Variants in TBC1D4 observed in about 807,000 individuals in gnomAD.
TBC1D4 encodes TBC1 domain family member 4.
A neutral mutation model predicts 142.5 loss-of-function variants in TBC1D4; 121 were observed. The observed-to-expected ratio is 0.85, with a 90% confidence interval of 0.73 to 0.99. The LOEUF (loss-of-function observed/expected upper bound fraction) is 0.99. Ranked by LOEUF, TBC1D4 falls within the 50% of genes least tolerant of loss-of-function variation. The pLI, the probability that TBC1D4 is intolerant of heterozygous loss-of-function variation, is 0.00. For synonymous variants in TBC1D4, 630 were observed against 628.2 expected, an observed-to-expected ratio of 1.00 and a Z score of -0.04; for missense variants, 1,475 against 1,606.6, an observed-to-expected ratio of 0.92 and a Z score of 1.40.
intron 1 of TBC1D4, among the ~76,000 whole-genome samples, chr13:75,410,089 T>A (rs151112762): frequency 1.3e-5 from 2 of 152,338 alleles, no homozygotes; most frequent in East Asian, 3.9e-4. Flanking sequence ...TCTCAGAGTA[T>A]TGTTGTGAGG....
intron 1 of TBC1D4, among the ~76,000 whole-genome samples, chr13:75,422,839 G>T (rs958242499): frequency 7.9e-5 from 12 of 152,126 alleles, no homozygotes; most frequent in African/African-American, 2.4e-4. Context: ...GCAAAACAGA[G>T]AATTCAATCA....
chr13:75,388,442 A>C (rs1348022170), intron 1 of TBC1D4, among the ~76,000 whole-genome samples: 1 of 152,190 alleles, frequency 6.6e-6, no homozygotes, highest in Non-Finnish European at 1.5e-5. Context: ...ATGTGTTCTC[A>C]AAGGTTAAAT....
In TBC1D4 at chr13:75,285,185, A is replaced by G. The variant is rs1405253665; in HGVS notation, c.*1607T>C. On this transcript the variant is annotated 3_prime_UTR_variant, in exon 21 of 21. Coordinates refer to ENST00000377636, the MANE Select transcript of TBC1D4 (RefSeq NM_014832.5). ...AGAAACTGTATGGATTCAAGGGCAC[A>G]CTGAGCTATAACAAGTCATTATATA... The G allele has an allele frequency of 6.6e-6, 1 of 152,204 alleles. No homozygotes were observed. Among genetic ancestry groups the G allele is most frequent in the Non-Finnish European group, 1.5e-5 (1 of 68,030 alleles). The allele number at this position is 152,204 out of a possible 1,614,324, so 9.4% of individuals were successfully genotyped here. A position where few individuals can be genotyped will look rare whatever the true frequency, so the allele number is the denominator to read the frequency against.
In TBC1D4 at chr13:75,289,081, C is replaced by G; in HGVS notation, c.3516G>C (p.Leu1172Phe). Residue 1172 changes from leucine to phenylalanine, a missense_variant, in exon 20 of 21, where the codon TTG becomes TTC. By Grantham distance (22) the Leu-to-Phe change is conservative (BLOSUM62 0). This residue lies in a region of TBC1D4 where 248 missense variants were observed against 338.9 expected (regional missense o/e 0.73). Coordinates refer to ENST00000377636, the MANE Select transcript of TBC1D4 (RefSeq NM_014832.5). Reference sequence around the variant, plus strand: ...CATGATATTCCACCTCATAGGCATGCAACTGCTTAGAAATATCCATCTCAA... The same window carrying G: ...CATGATATTCCACCTCATAGGCATGGAACTGCTTAGAAATATCCATCTCAA... ...QVFEMDISKQ[L>F]HAYEVEYHVL... The G allele has an allele frequency of 6.2e-7, 1 of 1,613,816 alleles. No individual in the cohort carries two copies. Among genetic ancestry groups the G allele is most frequent in the African/African-American group, 1.3e-5 (1 of 75,000 alleles).
intron 1 of TBC1D4, among the ~76,000 whole-genome samples, chr13:75,366,734 T>G (rs1882934096): frequency 6.6e-6 from 1 of 152,176 alleles, no homozygotes; most frequent in Non-Finnish European, 1.5e-5. Flanking sequence ...CTGTTCTTTC[T>G]CATTAATTGG....
chr13:75,469,247 G>A (rs1051237952), intron 1 of TBC1D4, among the ~76,000 whole-genome samples: 3 of 152,104 alleles, frequency 2.0e-5, no homozygotes, highest in Admixed American at 6.5e-5. Flanking sequence ...TGAACGGGGC[G>A]GAGTCACACA....
chr13:75,414,549 G>A (rs769880705), intron 1 of TBC1D4, among the ~76,000 whole-genome samples: 4 of 152,082 alleles, frequency 2.6e-5, no homozygotes, highest in Non-Finnish European at 5.9e-5. Flanking sequence ...GAATATGGGG[G>A]GATGTTGGTG....
intron 1 of TBC1D4, among the ~76,000 whole-genome samples, chr13:75,369,150 C>A (rs1883087383): frequency 6.6e-6 from 1 of 152,136 alleles, no homozygotes; most frequent in Non-Finnish European, 1.5e-5. Context: ...GGGAAGAAGT[C>A]ATATGACAAA....
At chr13:75,420,814 G>A (rs191393674) in intron 1 of TBC1D4, among the ~76,000 whole-genome samples, 1 of 152,094 alleles carries the variant, frequency 6.6e-6, no homozygotes, top group East Asian at 1.9e-4. Flanking sequence ...AAATATTAAA[G>A]CAGGAAATCA....
chr13:75,466,011 G>A (rs551774049), intron 1 of TBC1D4, among the ~76,000 whole-genome samples: 1 of 152,306 alleles, frequency 6.6e-6, no homozygotes, highest in African/African-American at 2.4e-5. Context: ...ATCGACTGAT[G>A]TCTCATGTCT....
intron 18 of TBC1D4, 112 bp from the exon 19 acceptor site, chr13:75,292,383 A>G (rs1487699507): frequency 9.4e-6 from 8 of 852,752 alleles, no homozygotes; most frequent in Non-Finnish European, 5.4e-6. Flanking sequence ...TTTGCAGAAG[A>G]AAACTGGTCA....
In TBC1D4 at chr13:75,320,867, C is replaced by CAA. The variant is rs148657060; in HGVS notation, c.2199-832_2199-831dup. ...TGAAACCCCGTCTCTACTAAAAATA[C>CAA]AAAAAAAAAAAAAAAAAAAAAAATT... On this transcript the variant is annotated intron_variant, in intron 11 of 20. Transcript: ENST00000377636. Among the ~76,000 whole-genome samples, 176 of 84,344 alleles carry CAA rather than the reference C, an allele frequency of 2.1e-3. 1 individual carries two copies. Among genetic ancestry groups the CAA allele is most frequent in the African/African-American group, 5.9e-3 (122 of 20,626 alleles). 55.3% of individuals were successfully genotyped at this position (84,344 alleles called of 152,430 possible).
chr13:75,459,947 C>T (rs2138276627), intron 1 of TBC1D4, among the ~76,000 whole-genome samples: 1 of 152,146 alleles, frequency 6.6e-6, no homozygotes, highest in East Asian at 1.9e-4. Flanking sequence ...TCAAGACCAT[C>T]CTGGGTAACA....
At chr13:75,338,521 G>A (rs980059917) in intron 7 of TBC1D4, among the ~76,000 whole-genome samples, 1 of 152,060 alleles carries the variant, frequency 6.6e-6, no homozygotes, top group Non-Finnish European at 1.5e-5. Flanking sequence ...GCTTAGCTAC[G>A]AGCAAGAAAA....
intron 1 of TBC1D4, among the ~76,000 whole-genome samples, chr13:75,390,427 A>C (rs1276109425): frequency 6.6e-6 from 1 of 152,156 alleles, no homozygotes; most frequent in African/African-American, 2.4e-5. Context: ...AATCACCTAA[A>C]AATAGGGCTT....
intron 19 of TBC1D4, among the ~76,000 whole-genome samples, chr13:75,289,379 T>C (rs1004486946): frequency 6.6e-6 from 1 of 152,124 alleles, no homozygotes; most frequent in African/African-American, 2.4e-5. Flanking sequence ...AATTGAAACA[T>C]TCTCATGAAG....
chr13:75,401,114 T>C (rs7328556), intron 1 of TBC1D4, among the ~76,000 whole-genome samples: 4,921 of 152,288 alleles, frequency 0.032, 274 homozygotes, highest in African/African-American at 0.11. Flanking sequence ...TGCTGTGGTA[T>C]CAAAATGCTT....
chr13:75,354,009 G>C (rs2138135856), intron 4 of TBC1D4, among the ~76,000 whole-genome samples: 1 of 152,268 alleles, frequency 6.6e-6, no homozygotes, highest in South Asian at 2.1e-4. Context: ...CAAGTCCTTA[G>C]GTCCCAGGAA....
chr13:75,290,087 T>C (rs1032234519), intron 19 of TBC1D4, among the ~76,000 whole-genome samples: 1 of 152,122 alleles, frequency 6.6e-6, no homozygotes, highest in African/African-American at 2.4e-5. Flanking sequence ...TTATAGTTAC[T>C]GGAAAAAATC....
Sources: allele counts gnomAD v4.1 joint callset (sites outside exome capture counted in the v4.1 genomes callset), GRCh38; gene constraint gnomAD v4.1.1; regional missense constraint gnomAD v4.1.1; transcripts MANE v1.5; gene names NCBI Gene and HGNC (gene_info 2026-07-23, HGNC 2026-07-21).